The following LRGUK variants were observed in gnomAD, a reference collection of about 807,000 sequenced individuals.
LRGUK encodes the protein leucine rich repeats and guanylate kinase domain containing.
In LRGUK, 65 loss-of-function variants were observed where a neutral mutation model predicts 76.0. The ratio of observed to expected loss-of-function variants is 0.85; its 90% CI spans 0.70 to 1.05. The LOEUF (loss-of-function observed/expected upper bound fraction) is 1.05, where lower values mean the gene tolerates loss of function less well. LRGUK is among the 50% of genes least tolerant of loss of function. The pLI, the probability that LRGUK is intolerant of heterozygous loss-of-function variation, is 0.00. For missense variants in LRGUK, 758 were observed against 732.8 expected, an observed-to-expected ratio of 1.03 and a Z score of -0.40; for synonymous variants, 268 against 265.6, an observed-to-expected ratio of 1.01 and a Z score of -0.09.
chr7:134,254,437 C>A (rs1179755772), intron 18 of LRGUK, among the ~76,000 whole-genome samples: 1 of 152,146 alleles, frequency 6.6e-6, no homozygotes, highest in African/African-American at 2.4e-5. Context: ...GTTCCGGAGG[C>A]TGGGAGTTTA....
At chr7:134,167,178 C>T (rs550578226) in intron 7 of LRGUK, among the ~76,000 whole-genome samples, 1 of 152,312 alleles carries the variant, frequency 6.6e-6, no homozygotes, top group Admixed American at 6.5e-5. Context: ...CTTTGGCCTC[C>T]TTACACCCAA....
At chr7:134,176,908 C>A in intron 8 of LRGUK, 69 bp from the exon 9 acceptor site, 1 of 904,922 alleles carries the variant, frequency 1.1e-6, no homozygotes, top group Admixed American at 2.0e-5. Context: ...CTCATGAAAA[C>A]CCAATGCTGG....
chr7:134,154,306 G>C (rs192943154), intron 5 of LRGUK, among the ~76,000 whole-genome samples: 5 of 152,150 alleles, frequency 3.3e-5, no homozygotes, highest in South Asian at 4.1e-4. Context: ...AGGAAGTCCC[G>C]AGACCTGTGA....
In LRGUK at chr7:134,252,311, C is replaced by T. The variant is rs1802467074; in HGVS notation, c.2198+3235C>T. Among the ~76,000 whole-genome samples the T allele has an allele frequency of 2.6e-5, 4 of 151,834 alleles. No individual in the cohort carries two copies. In the South Asian group the frequency reaches 8.3e-4, roughly 32 times the overall value. The stretch of plus-strand genomic sequence containing the variant: ...CATGATTGCACCATTGCATTCCAGC[C>T]TGAGTGACAGACCCTGTCTCAAATA... On this transcript the variant is annotated intron_variant, in intron 18 of 19. Coordinates refer to the LRGUK transcript ENST00000285928.
intron 16 of LRGUK, among the ~76,000 whole-genome samples, chr7:134,235,779 G>A (rs1287450395): frequency 6.6e-6 from 1 of 152,086 alleles, no homozygotes; most frequent in Non-Finnish European, 1.5e-5. Flanking sequence ...TGTCATGTGG[G>A]CAAGTCACAT....
chr7:134,167,316 T>A (rs1388511238), intron 7 of LRGUK, among the ~76,000 whole-genome samples: 1 of 152,196 alleles, frequency 6.6e-6, no homozygotes, highest in East Asian at 1.9e-4. Flanking sequence ...TCATCACTTT[T>A]ACAAACAATT....
Position 134,249,091 on chromosome 7 carries a change from T to C in LRGUK, c.2198+15T>C, listed in dbSNP as rs1457960653. ...CCTGAAAAGAGGTGAGTTGAGGTGT[T>C]TTGTTGGATGGAATTGGCTATTTTC... is the stretch of plus-strand genomic sequence containing the variant. On this transcript the variant is annotated intron_variant, in intron 18 of 19. Transcript: ENST00000285928. 5.1e-6 allele frequency: 8 copies of C among 1,554,310 alleles called. No homozygotes were observed. Among genetic ancestry groups the C allele is most frequent in the Non-Finnish European group, 6.1e-6 (7 of 1,148,748 alleles).
chr7:134,269,124 T>C (rs1186215737), downstream of LRGUK, among the ~76,000 whole-genome samples: 1 of 152,062 alleles, frequency 6.6e-6, no homozygotes, highest in Non-Finnish European at 1.5e-5. Context: ...CTACTACCAA[T>C]CTTACTGAAA....
rs539508191 is a variant in LRGUK, at chr7:134,247,513, T to C, written c.1984-43T>C. ...TTATAGATGTTTTAATCATCTGACA[T>C]TTTTAACATCAATGCAATTTTCTAA... On this transcript the variant is annotated intron_variant, in intron 16 of 19. Transcript: ENST00000285928. The C allele has an allele frequency of 6.3e-5, 88 of 1,395,242 alleles. 2 individuals carry two copies. The South Asian group carries it at 1.0e-3, about 16-fold the overall frequency. 86.4% of individuals were successfully genotyped at this position (1,395,242 alleles called of 1,614,324 possible).
intron 7 of LRGUK, among the ~76,000 whole-genome samples, chr7:134,174,057 C>T (rs530472665): frequency 6.7e-5 from 10 of 148,548 alleles, no homozygotes; most frequent in East Asian, 2.0e-4. Flanking sequence ...TGCAGTGAGC[C>T]GAGATCACAG....
At chr7:134,218,693 T>C (rs546409663) in intron 15 of LRGUK, among the ~76,000 whole-genome samples, 2 of 152,334 alleles carry the variant, frequency 1.3e-5, no homozygotes, top group East Asian at 1.9e-4. Flanking sequence ...ATGTGAAATA[T>C]ACATACAAAT....
intron 2 of LRGUK, 26 bp from the exon 3 acceptor site, chr7:134,139,408 TAA>T (rs1797671757): frequency 6.8e-7 from 1 of 1,461,080 alleles, no homozygotes; most frequent in Non-Finnish European, 9.6e-7. Context: ...AAAGCAACAT[TAA>T]AGTCTTTTAC....
In LRGUK at chr7:134,164,922, C is replaced by T. The variant is rs118057333; in HGVS notation, c.939+1382C>T. On this transcript the variant is annotated intron_variant, in intron 7 of 15. Transcript: ENST00000645682. ...AACTTCTCCAGTTAATTCTGGTGGA[C>T]AACCTTTGTTCACTGTACCACGTGT... 5.6e-3 allele frequency among the ~76,000 whole-genome samples: 848 copies of T among 152,294 alleles called. 4 individuals carry two copies. The highest frequency in any genetic ancestry group is 9.5e-3 in the Non-Finnish European group (646 of 68,018).
intron 12 of LRGUK, among the ~76,000 whole-genome samples, chr7:134,194,709 C>T (rs1319262719): frequency 6.6e-6 from 1 of 152,088 alleles, no homozygotes; most frequent in East Asian, 1.9e-4. Context: ...CCACTGCACT[C>T]CAGCCTGTGT....
At chr7:134,270,203 T>C in the LRGUK span, among the ~76,000 whole-genome samples, 1 of 152,164 alleles carries the variant, frequency 6.6e-6, no homozygotes, top group African/African-American at 2.4e-5. Context: ...TAGAAAACTC[T>C]TAGAATGACT....
intron 18 of LRGUK, among the ~76,000 whole-genome samples, chr7:134,256,561 C>T (rs1802590115): frequency 6.6e-6 from 1 of 151,736 alleles, no homozygotes; most frequent in Non-Finnish European, 1.5e-5. Flanking sequence ...GACTGAGAAG[C>T]ATTCCAGAAC....
In LRGUK at chr7:134,140,212, T is replaced by G. The variant is rs1797713757; in HGVS notation, c.487+695T>G. Among the ~76,000 whole-genome samples the G allele has an allele frequency of 3.3e-5, 5 of 152,154 alleles. No individual in the cohort carries two copies. The South Asian group carries it at 1.0e-3, about 31-fold the overall frequency. ...CTGGAACTCCTGACTTCAAGTGATC[T>G]GCCCGCATCAGCCTCCCAAAGTGCT... On this transcript the variant is annotated intron_variant, in intron 3 of 15. Coordinates refer to ENST00000645682, the Ensembl canonical transcript of LRGUK.
downstream of LRGUK, among the ~76,000 whole-genome samples, chr7:134,210,501 T>C (rs1801211532): frequency 6.6e-6 from 1 of 152,064 alleles, no homozygotes; most frequent in Non-Finnish European, 1.5e-5. Flanking sequence ...TTTGGAGGGT[T>C]ATCTCAAGAA....
chr7:134,213,144 G>A (rs142392351), downstream of LRGUK, among the ~76,000 whole-genome samples: 18 of 152,310 alleles, frequency 1.2e-4, no homozygotes, highest in East Asian at 3.5e-3. Context: ...CGAATGCCAG[G>A]AGAGATGCAG....
Sources: gnomAD v4.1 joint callset for allele counts (sites outside exome capture counted in the v4.1 genomes callset) on GRCh38, gnomAD v4.1.1 for gene constraint, MANE v1.5 for transcripts, NCBI Gene and HGNC (gene_info 2026-07-23, HGNC 2026-07-21) for gene names.